The following SEC22C variants were observed in gnomAD, a reference collection of about 807,000 sequenced individuals.
SEC22C encodes the protein vesicle-trafficking protein SEC22c.
In SEC22C, 29 loss-of-function variants were observed where a neutral mutation model predicts 34.7. That is an observed-to-expected ratio of 0.84 (90% CI 0.62 to 1.14). The LOEUF (loss-of-function observed/expected upper bound fraction) is 1.14. Ranked by LOEUF, SEC22C falls within the 50% of genes most tolerant of loss-of-function variation. The probability of loss-of-function intolerance (pLI) is 0.00; values close to 1 mark genes in which losing one functional copy is unlikely to be tolerated. For missense variants in SEC22C, 337 were observed against 369.0 expected, an observed-to-expected ratio of 0.91 and a Z score of 0.71; for synonymous variants, 117 against 132.8, an observed-to-expected ratio of 0.88 and a Z score of 0.82.
chr3:42,551,730 G>C lies in SEC22C; in HGVS notation c.*1518C>G. ...CAACATTTTCCCAACATAGTTCCCAGTATATAAACTTATTTTTCTTAAAAT... is the reference window on the plus strand; with the variant it reads ...CAACATTTTCCCAACATAGTTCCCACTATATAAACTTATTTTTCTTAAAAT... On this transcript the variant is annotated 3_prime_UTR_variant, in exon 7 of 7. Transcript: ENST00000264454. 1.0e-6 allele frequency: 1 copy of C among 960,182 alleles called. No homozygotes were observed. Among genetic ancestry groups the C allele is most frequent in the Non-Finnish European group, 1.2e-6 (1 of 806,962 alleles). The allele number at this position is 960,182 out of a possible 1,614,324, so 59.5% of individuals were successfully genotyped here. A position where few individuals can be genotyped will look rare whatever the true frequency, so the allele number is the denominator to read the frequency against.
chr3:42,587,700 C>A (rs1421363240), intron 1 of SEC22C: 1 of 151,726 alleles, frequency 6.6e-6, no homozygotes, highest in African/African-American at 2.4e-5. Context: ...CGTGCCACAG[C>A]ACTCCAGCCT....
In SEC22C at chr3:42,568,839, C is replaced by T. The variant is rs751496325; in HGVS notation, c.182+26G>A. The T allele has an allele frequency of 5.0e-6, 8 of 1,606,722 alleles. No homozygotes were observed. The South Asian group carries it at 6.6e-5, about 13-fold the overall frequency. On this transcript the variant is annotated intron_variant, in intron 2 of 6. Coordinates refer to ENST00000264454, the MANE Select transcript of SEC22C (RefSeq NM_032970.4). ...AAGTAATCCAAATTTTGCTAATATT[C>T]TGAAAAAGTGAATATGATCACTTAC...
chr3:42,582,972 C>T (rs1704476231), upstream of SEC22C, among the ~76,000 whole-genome samples: 1 of 152,078 alleles, frequency 6.6e-6, no homozygotes. Context: ...TGTGAATGTA[C>T]CAAATGCCAC....
rs766185769 is a variant in SEC22C at position 42,555,894 on chromosome 3, G to A, written c.711+36C>T. On this transcript the variant is annotated intron_variant, in intron 6 of 6. Transcript: ENST00000264454. ...AACAGAAGAACAAAGTAAGGTCATG[G>A]ATTTAATCCACTGACCAAAATATCG... 2.6e-5 allele frequency: 40 copies of A among 1,518,894 alleles called. No individual in the cohort carries two copies. The South Asian group carries it at 4.5e-4, about 17-fold the overall frequency. 94.1% of individuals were successfully genotyped at this position (1,518,894 alleles called of 1,614,324 possible). A position where few individuals can be genotyped will look rare whatever the true frequency, so the allele number is the denominator to read the frequency against.
At chr3:42,569,987 T>TA (rs1703514679) in intron 1 of SEC22C, among the ~76,000 whole-genome samples, 1 of 152,208 alleles carries the variant, frequency 6.6e-6, no homozygotes, top group Non-Finnish European at 1.5e-5. Context: ...AGGTGGCTAT[T>TA]ACAGCTCAGA....
chr3:42,569,127 T>C (rs1703448736), intron 1 of SEC22C, 54 bp from the exon 2 acceptor site: 1 of 1,167,034 alleles, frequency 8.6e-7, no homozygotes, highest in Non-Finnish European at 1.2e-6. Context: ...GTGCCAGAAA[T>C]ACCCCCACCT....
intron 5 of SEC22C, among the ~76,000 whole-genome samples, chr3:42,556,770 C>A (rs2125697913): frequency 6.6e-6 from 1 of 152,288 alleles, no homozygotes; most frequent in South Asian, 2.1e-4. Flanking sequence ...GTCGCCCAGG[C>A]TAGAGTGCAG....
At chr3:42,590,872 G>T (rs773866808) in intron 1 of SEC22C, 2 of 1,613,634 alleles carry the variant, frequency 1.2e-6, no homozygotes, top group Non-Finnish European at 1.7e-6. Flanking sequence ...GTTGCTTGGC[G>T]GTCGTGGTTC....
At chr3:42,577,898 A>C (rs1704066931) in intron 1 of SEC22C, among the ~76,000 whole-genome samples, 1 of 152,026 alleles carries the variant, frequency 6.6e-6, no homozygotes, top group Non-Finnish European at 1.5e-5. Context: ...TGAACCTGGG[A>C]GGCGGAGGTT....
chr3:42,557,018 C>A (rs1702570953), intron 5 of SEC22C, among the ~76,000 whole-genome samples: 1 of 152,192 alleles, frequency 6.6e-6, no homozygotes. Context: ...GTCACCACAC[C>A]CGGCCGATAC....
At chr3:42,599,315 T>C (rs1304975071) in intron 1 of SEC22C, among the ~76,000 whole-genome samples, 3 of 151,396 alleles carry the variant, frequency 2.0e-5, no homozygotes, top group African/African-American at 7.3e-5. Flanking sequence ...AATAGTGTGG[T>C]ACTCAGACAC....
At chr3:42,591,200 C>CATTTTT in intron 1 of SEC22C, 1 of 460,074 alleles carries the variant, frequency 2.2e-6, no homozygotes, top group Non-Finnish European at 3.6e-6. Context: ...CCCTTTCTCT[C>CATTTTT]CTTTTTTTTT....
intron 1 of SEC22C, among the ~76,000 whole-genome samples, chr3:42,569,414 A>G (rs1183070695): frequency 1.3e-5 from 2 of 152,206 alleles, no homozygotes; most frequent in South Asian, 2.1e-4. Context: ...AATGGCAGGT[A>G]GCAGGACACA....
chr3:42,599,619 G>A (rs1238125282), intron 1 of SEC22C, among the ~76,000 whole-genome samples: 2 of 151,176 alleles, frequency 1.3e-5, no homozygotes, highest in Admixed American at 6.6e-5. Flanking sequence ...GTGAACCCGG[G>A]AGGCGGAGCT....
intron 1 of SEC22C, among the ~76,000 whole-genome samples, chr3:42,578,793 A>G (rs991165590): frequency 1.3e-5 from 2 of 152,172 alleles, no homozygotes; most frequent in African/African-American, 2.4e-5. Flanking sequence ...GTTTAAATAT[A>G]ATTTTTAAAT....
At chr3:42,592,907 T>TTG (rs1313823124) in intron 1 of SEC22C, among the ~76,000 whole-genome samples, 1 of 152,028 alleles carries the variant, frequency 6.6e-6, no homozygotes. Context: ...TGAAAATGTT[T>TTG]TGTCCCTTCT....
Position 42,549,397 on chromosome 3 carries a change from T to A in SEC22C, c.*3851A>T, listed in dbSNP as rs1210943828. On this transcript the variant is annotated 3_prime_UTR_variant, in exon 7 of 7. Transcript: ENST00000264454. ...GCAAATAGCAGCCCTGGCTACAAGG[T>A]GCAGTGTGCAACCCCCATATGCCAA... 1 of 985,508 alleles carries A rather than the reference T, an allele frequency of 1.0e-6. No individual in the cohort carries two copies. The highest frequency in any genetic ancestry group is 1.2e-6 in the Non-Finnish European group (1 of 830,070). The allele number at this position is 985,508 out of a possible 1,614,324, so 61.0% of individuals were successfully genotyped here. A position where few individuals can be genotyped will look rare whatever the true frequency, so the allele number is the denominator to read the frequency against.
At chr3:42,599,396 A>T (rs111361165) in intron 1 of SEC22C, among the ~76,000 whole-genome samples, 1 of 151,922 alleles carries the variant, frequency 6.6e-6, no homozygotes, top group African/African-American at 2.4e-5. Context: ...AATTCAATGT[A>T]TAAGAGTCTT....
At chr3:42,560,077 G>A (rs1702783629) in intron 4 of SEC22C, among the ~76,000 whole-genome samples, 1 of 145,780 alleles carries the variant, frequency 6.9e-6, no homozygotes, top group Admixed American at 6.9e-5. Flanking sequence ...CAACATTTCA[G>A]TAAATAAGAT....
Sources: allele counts gnomAD v4.1 joint callset (sites outside exome capture counted in the v4.1 genomes callset), GRCh38; gene constraint gnomAD v4.1.1; transcripts MANE v1.5; gene names NCBI Gene and HGNC (gene_info 2026-07-23, HGNC 2026-07-21).